TRPM3: variants seen among roughly 807,000 people sequenced by gnomAD.
TRPM3 encodes the protein transient receptor potential cation channel subfamily M member 3, also known as long transient receptor potential channel 3.
TRPM3 carries 77 observed loss-of-function variants against 181.2 expected under a neutral mutation model. The observed-to-expected ratio is 0.42, with a 90% confidence interval of 0.35 to 0.51. The LOEUF (loss-of-function observed/expected upper bound fraction) is 0.51, where lower values mean the gene tolerates loss of function less well. Among genes scored for constraint, TRPM3 ranks in the 20% least tolerant of loss-of-function variants. The pLI is 0.01. For synonymous variants in TRPM3, 745 were observed against 796.4 expected (o/e 0.94, Z 1.09); for missense variants, 1,759 against 2,196.7 (o/e 0.80, Z 3.98).
chr9:71,133,644 G>GT (rs2134476156), intron 1 of TRPM3, among the ~76,000 whole-genome samples: 1 of 152,204 alleles, frequency 6.6e-6, no homozygotes, highest in East Asian at 1.9e-4. Flanking sequence ...ACTCATAAGA[G>GT]TTCTTTTTAT....
intron 9 of TRPM3, among the ~76,000 whole-genome samples, chr9:70,670,551 T>C (rs1049617707): frequency 6.6e-6 from 1 of 152,208 alleles, no homozygotes; most frequent in African/African-American, 2.4e-5. Flanking sequence ...ACTTTCTAGA[T>C]TCAATTCCTT....
At chr9:71,443,623 A>G (rs941573918) in intron 1 of TRPM3, among the ~76,000 whole-genome samples, 26 of 152,122 alleles carry the variant, frequency 1.7e-4, no homozygotes, top group African/African-American at 6.0e-4. Flanking sequence ...CAGAAATGCA[A>G]CTTTTGGGTT....
chr9:70,656,173 A>G (rs1040178601), intron 9 of TRPM3, among the ~76,000 whole-genome samples: 3 of 152,224 alleles, frequency 2.0e-5, no homozygotes, highest in Admixed American at 6.5e-5. Flanking sequence ...GTTTGCATTT[A>G]TTAATCAAGC....
intron 1 of TRPM3, among the ~76,000 whole-genome samples, chr9:71,064,353 C>T (rs2061660210): frequency 6.6e-6 from 1 of 151,266 alleles, no homozygotes; most frequent in African/African-American, 2.4e-5. Flanking sequence ...TATACATTAC[C>T]AGTAAATCTA....
chr9:70,646,448 T>C (rs953222803), intron 9 of TRPM3, among the ~76,000 whole-genome samples: 7 of 152,130 alleles, frequency 4.6e-5, no homozygotes, highest in Admixed American at 2.0e-4. Context: ...AAACCATCAT[T>C]CTCAGCAAAC....
chr9:71,291,214 C>T (rs922522654), intron 1 of TRPM3, among the ~76,000 whole-genome samples: 3 of 152,026 alleles, frequency 2.0e-5, no homozygotes, highest in Non-Finnish European at 4.4e-5. Flanking sequence ...CAGGAAAATC[C>T]CCAAATATAC....
At chr9:71,220,648 C>T (rs1290098687) in intron 1 of TRPM3, among the ~76,000 whole-genome samples, 2 of 152,134 alleles carry the variant, frequency 1.3e-5, no homozygotes, top group African/African-American at 2.4e-5. Flanking sequence ...CCACTCCTTA[C>T]AAGCTATGTT....
chr9:70,623,259 G>A (rs537842504), intron 14 of TRPM3, among the ~76,000 whole-genome samples: 2 of 151,860 alleles, frequency 1.3e-5, no homozygotes, highest in East Asian at 1.9e-4. Flanking sequence ...CCGGCTACTC[G>A]GGAGGCTGAG....
chr9:71,422,825 A>G (rs985742557), intron 1 of TRPM3, among the ~76,000 whole-genome samples: 9 of 152,048 alleles, frequency 5.9e-5, no homozygotes, highest in African/African-American at 1.9e-4. Context: ...ACAACTATAT[A>G]TTATAGCAAC....
At chr9:71,116,107 G>A (rs1281263097) in intron 1 of TRPM3, among the ~76,000 whole-genome samples, 1 of 152,170 alleles carries the variant, frequency 6.6e-6, no homozygotes, top group Non-Finnish European at 1.5e-5. Flanking sequence ...CCTAAAAGCA[G>A]TTTATTCTTC....
intron 6 of TRPM3, among the ~76,000 whole-genome samples, chr9:70,794,823 C>A (rs1036872306): frequency 6.6e-6 from 1 of 152,186 alleles, no homozygotes; most frequent in Non-Finnish European, 1.5e-5. Context: ...TGGAGCCATT[C>A]ACATCCTAGA....
chr9:70,982,517 A>G (rs1244703514), intron 1 of TRPM3, among the ~76,000 whole-genome samples: 2 of 152,150 alleles, frequency 1.3e-5, no homozygotes, highest in East Asian at 3.9e-4. Flanking sequence ...GAGGTAGGTT[A>G]CCCACTTTCT....
intron 1 of TRPM3, among the ~76,000 whole-genome samples, chr9:71,254,499 A>G (rs2082553479): frequency 6.6e-6 from 1 of 152,344 alleles, no homozygotes. Context: ...TTCACCATGG[A>G]AAGTTATAAG....
At chr9:70,761,935 T>C (rs1390963726) in intron 7 of TRPM3, among the ~76,000 whole-genome samples, 1 of 152,162 alleles carries the variant, frequency 6.6e-6, no homozygotes, top group Non-Finnish European at 1.5e-5. Context: ...AAACCAACAG[T>C]CGAAAGATTG....
intron 6 of TRPM3, chr9:70,827,265 T>C (rs2093611155): frequency 6.6e-6 from 1 of 152,206 alleles, no homozygotes. Flanking sequence ...AAGTTCAAAA[T>C]CTGATTCTTT....
At position 70,950,204 on chromosome 9, in the gene TRPM3, A is replaced by G. The variant is rs150371779; in HGVS notation, c.178-85693T>C. ...CAATTTAGAAAATATTTAATATGCA[A>G]AATGACTTTCTTTTTTAGGTAATAC... is the stretch of plus-strand genomic sequence containing the variant. On this transcript the variant is annotated intron_variant, in intron 1 of 25. Coordinates refer to ENST00000677713, the MANE Select transcript of TRPM3 (RefSeq NM_001366145.2). 1.1e-4 allele frequency among the ~76,000 whole-genome samples: 16 copies of G among 152,330 alleles called. No homozygotes were observed. The East Asian group carries it at 2.3e-3, about 22-fold the overall frequency.
At chr9:71,381,475 T>C (rs1177204569) in intron 1 of TRPM3, among the ~76,000 whole-genome samples, 2 of 152,130 alleles carry the variant, frequency 1.3e-5, no homozygotes, top group Non-Finnish European at 2.9e-5. Flanking sequence ...TTTCAAATAG[T>C]GATTAAGTGG....
chr9:71,161,119 T>C (rs1295935882), intron 1 of TRPM3, among the ~76,000 whole-genome samples: 1 of 152,178 alleles, frequency 6.6e-6, no homozygotes, highest in Non-Finnish European at 1.5e-5. Context: ...TACTTTCTGA[T>C]GTATTAGTCT....
chr9:70,903,789 C>A (rs1305415862), intron 1 of TRPM3, among the ~76,000 whole-genome samples: 1 of 152,050 alleles, frequency 6.6e-6, no homozygotes, highest in Non-Finnish European at 1.5e-5. Flanking sequence ...CAGGGTTCCT[C>A]ATATATAAGA....
Sources: gnomAD v4.1 joint callset for allele counts (sites outside exome capture counted in the v4.1 genomes callset) on GRCh38, gnomAD v4.1.1 for gene constraint, MANE v1.5 for transcripts, NCBI Gene and HGNC (gene_info 2026-07-23, HGNC 2026-07-21) for gene names.